Variants in VRK1 observed in about 807,000 individuals in gnomAD.
VRK1 encodes the protein serine/threonine-protein kinase VRK1.
Under a neutral mutation model 57.1 loss-of-function variants are expected in VRK1, and 33 were observed. The ratio of observed to expected loss-of-function variants is 0.58; its 90% CI spans 0.44 to 0.77. The LOEUF is 0.77. Among genes scored for constraint, VRK1 ranks in the 30% least tolerant of loss-of-function variants. VRK1 has a pLI of 0.00. For missense variants in VRK1, 413 were observed against 477.3 expected, an observed-to-expected ratio of 0.87 and a Z score of 1.25; for synonymous variants, 137 against 147.8, an observed-to-expected ratio of 0.93 and a Z score of 0.53.
chr14:96,852,473 C>T (rs1451419049), intron 5 of VRK1, among the ~76,000 whole-genome samples: 1 of 152,130 alleles, frequency 6.6e-6, no homozygotes, highest in Non-Finnish European at 1.5e-5. Context: ...TATCCAGAAA[C>T]ATGAATTAAT....
At chr14:96,851,037 T>A (rs1031827841) in intron 5 of VRK1, among the ~76,000 whole-genome samples, 1 of 152,200 alleles carries the variant, frequency 6.6e-6, no homozygotes, top group Non-Finnish European at 1.5e-5. Context: ...GCAAAATCTG[T>A]TACACAAAGG....
intron 12 of VRK1, among the ~76,000 whole-genome samples, chr14:96,880,749 A>G (rs1889228794): frequency 6.6e-6 from 1 of 152,120 alleles, no homozygotes; most frequent in African/African-American, 2.4e-5. Context: ...AAAGCAACTT[A>G]TTGCTTTGCT....
chr14:96,871,309 G>A (rs1220503810), intron 11 of VRK1, among the ~76,000 whole-genome samples: 1 of 152,126 alleles, frequency 6.6e-6, no homozygotes, highest in Non-Finnish European at 1.5e-5. Flanking sequence ...TCCAGAGTAG[G>A]TAACTAAAAA....
At chr14:96,806,305 A>T (rs746600429) in intron 1 of VRK1, among the ~76,000 whole-genome samples, 5 of 152,226 alleles carry the variant, frequency 3.3e-5, no homozygotes, top group African/African-American at 7.2e-5. Flanking sequence ...CTTGGCTCTT[A>T]CAGAAGTAGG....
At chr14:96,826,219 A>C (rs1485828966) in intron 1 of VRK1, among the ~76,000 whole-genome samples, 2 of 152,222 alleles carry the variant, frequency 1.3e-5, no homozygotes, top group Non-Finnish European at 2.9e-5. Flanking sequence ...AAAACAGAGG[A>C]CCATTTTATC....
intron 1 of VRK1, among the ~76,000 whole-genome samples, chr14:96,806,964 C>T (rs377231943): frequency 1.3e-5 from 2 of 152,104 alleles, no homozygotes; most frequent in Non-Finnish European, 2.9e-5. Context: ...TGACAAGCCA[C>T]CATTCCTGGC....
Position 96,855,204 on chromosome 14 carries a change from T to C in VRK1, c.577-20T>C. 6.2e-7 allele frequency: 1 copy of C among 1,613,918 alleles called. No individual in the cohort carries two copies. Among genetic ancestry groups the C allele is most frequent in the South Asian group, 1.1e-5 (1 of 91,084 alleles). Reference sequence around the variant, plus strand: ...CAGTGATTTTGACTTTAGTTTGTCTTGGTGCTTGGAAATTTATAGGTGTAC... The same window carrying C: ...CAGTGATTTTGACTTTAGTTTGTCTCGGTGCTTGGAAATTTATAGGTGTAC... On this transcript the variant is annotated intron_variant, in intron 7 of 12. Transcript: ENST00000216639.
chr14:96,860,283 G>A (rs1487476066), intron 10 of VRK1, among the ~76,000 whole-genome samples: 1 of 151,826 alleles, frequency 6.6e-6, no homozygotes. Flanking sequence ...TACTATAATA[G>A]TTATTTTTAT....
At chr14:96,848,238 G>A (rs1035209787) in intron 5 of VRK1, among the ~76,000 whole-genome samples, 1 of 152,138 alleles carries the variant, frequency 6.6e-6, no homozygotes, top group Non-Finnish European at 1.5e-5. Flanking sequence ...GGCTTCACAT[G>A]CAGGCACAGT....
chr14:96,859,717 A>G (rs1888308096), intron 10 of VRK1, among the ~76,000 whole-genome samples: 1 of 152,184 alleles, frequency 6.6e-6, no homozygotes, highest in Non-Finnish European at 1.5e-5. Flanking sequence ...GTGAGAAGAA[A>G]TGATTCAAGG....
At chr14:96,816,386 A>G (rs1283189434) in intron 1 of VRK1, among the ~76,000 whole-genome samples, 1 of 152,130 alleles carries the variant, frequency 6.6e-6, no homozygotes, top group Non-Finnish European at 1.5e-5. Context: ...CTTCATTCTC[A>G]TCTCCCCTCC....
chr14:96,857,732 C>T (rs190173476), intron 10 of VRK1, among the ~76,000 whole-genome samples: 6 of 152,258 alleles, frequency 3.9e-5, no homozygotes, highest in African/African-American at 1.4e-4. Flanking sequence ...GCTCAGTTGT[C>T]TCCTTTTCAG....
intron 12 of VRK1, among the ~76,000 whole-genome samples, chr14:96,879,800 G>T (rs1470014655): frequency 2.0e-5 from 3 of 151,766 alleles, no homozygotes; most frequent in African/African-American, 7.3e-5. Flanking sequence ...GTGGTGACAG[G>T]CACCTGTAAT....
At chr14:96,844,611 A>G (rs1353618149) in intron 3 of VRK1, among the ~76,000 whole-genome samples, 1 of 152,122 alleles carries the variant, frequency 6.6e-6, no homozygotes, top group African/African-American at 2.4e-5. Flanking sequence ...GCACGATCTT[A>G]GCTTACTGCA....
intron 11 of VRK1, among the ~76,000 whole-genome samples, chr14:96,870,931 A>T (rs1238227359): frequency 6.6e-6 from 1 of 152,202 alleles, no homozygotes; most frequent in African/African-American, 2.4e-5. Flanking sequence ...AAGTGAATAG[A>T]CAAATTATGC....
At chr14:96,802,117 T>C (rs1885685545) in intron 1 of VRK1, among the ~76,000 whole-genome samples, 1 of 152,258 alleles carries the variant, frequency 6.6e-6, no homozygotes, top group Admixed American at 6.5e-5. Flanking sequence ...GAAAATACTT[T>C]AGAAATGCTG....
At chr14:96,837,431 C>T (rs1258017924) in intron 2 of VRK1, among the ~76,000 whole-genome samples, 2 of 152,108 alleles carry the variant, frequency 1.3e-5, no homozygotes, top group Non-Finnish European at 2.9e-5. Context: ...TATTACTTAT[C>T]CTCTGGGGAA....
chr14:96,856,200 T>A lies in VRK1; in HGVS notation c.780T>A (p.Pro260=). The stretch of plus-strand genomic sequence containing the variant: ...TCCAATGGCTTACTGGCCATCTTCC[T>A]TGGGAGGATAATTTGAAAGATCCTA... ...CMIQWLTGHL[P]WEDNLKDPKY... is the part of the protein sequence containing the mutation. Residue 260 remains proline (P), a synonymous_variant, in exon 9 of 13, where the codon CCT becomes CCA. Coordinates refer to ENST00000216639, the MANE Select transcript of VRK1 (RefSeq NM_003384.3). The A allele has an allele frequency of 6.2e-7, 1 of 1,613,732 alleles. No individual in the cohort carries two copies.
chr14:96,800,979 CAA>C, intron 1 of VRK1, among the ~76,000 whole-genome samples: 1 of 152,084 alleles, frequency 6.6e-6, no homozygotes. Context: ...GTATCAGGAA[CAA>C]TATAGTTGGT....
Sources: gnomAD v4.1 joint callset for allele counts (sites outside exome capture counted in the v4.1 genomes callset) on GRCh38, gnomAD v4.1.1 for gene constraint, MANE v1.5 for transcripts, NCBI Gene and HGNC (gene_info 2026-07-23, HGNC 2026-07-21) for gene names.